The following CACNB2 variants were observed in gnomAD, a reference collection of about 807,000 sequenced individuals.
CACNB2 encodes voltage-dependent L-type calcium channel subunit beta-2.
Under a neutral mutation model 73.3 loss-of-function variants are expected in CACNB2, and 42 were observed. The ratio of observed to expected loss-of-function variants is 0.57; its 90% confidence interval spans 0.45 to 0.74. CACNB2 has a LOEUF of 0.74. Among genes scored for constraint, CACNB2 ranks in the 30% least tolerant of loss-of-function variants. The pLI is 0.00. For synonymous variants in CACNB2, 348 were observed against 310.3 expected, an observed-to-expected ratio of 1.12 and a Z score of -1.28; for missense variants, 940 against 853.0, an observed-to-expected ratio of 1.10 and a Z score of -1.27.
At chr10:18,152,709 C>CAAAAAAA (rs772732675) in intron 2 of CACNB2, among the ~76,000 whole-genome samples, 2,200 of 48,474 alleles carry the variant, frequency 0.045, 30 homozygotes, top group Middle Eastern at 0.089. Context: ...TGAAACAGAC[C>CAAAAAAA]AAAAAAAAAA....
At chr10:18,145,217 G>C (rs192611777) in intron 1 of CACNB2, among the ~76,000 whole-genome samples, 2 of 152,314 alleles carry the variant, frequency 1.3e-5, no homozygotes, top group East Asian at 3.9e-4. Flanking sequence ...CTGTAGCAAG[G>C]AGCTTTATCC....
At chr10:18,529,015 A>G (rs545392162) in intron 10 of CACNB2, among the ~76,000 whole-genome samples, 153 of 152,134 alleles carry the variant, frequency 1.0e-3, no homozygotes, top group African/African-American at 3.6e-3. Flanking sequence ...AATTTTTTGT[A>G]GAGAGGGAGT....
intron 11 of CACNB2, 28 bp from the exon 12 acceptor site, chr10:18,536,071 ACT>A (rs764381786): frequency 1.4e-5 from 19 of 1,323,358 alleles, no homozygotes; most frequent in Non-Finnish European, 2.2e-6. Flanking sequence ...TGTAGTTATT[ACT>A]CTGTTAAAAA....
chr10:18,284,944 C>G (rs2038722249), intron 2 of CACNB2, among the ~76,000 whole-genome samples: 2 of 152,032 alleles, frequency 1.3e-5, no homozygotes, highest in African/African-American at 4.8e-5. Context: ...TTTACTTATC[C>G]AAGACGAACA....
chr10:18,402,087 G>A, intron 3 of CACNB2, 44 bp downstream of exon 3: 1 of 1,606,744 alleles, frequency 6.2e-7, no homozygotes, highest in Non-Finnish European at 8.5e-7. Context: ...AAGTTGTGCT[G>A]TGCCCCTGAT....
chr10:18,404,722 A>G (rs2044189313), intron 3 of CACNB2, among the ~76,000 whole-genome samples: 1 of 152,174 alleles, frequency 6.6e-6, no homozygotes, highest in Non-Finnish European at 1.5e-5. Context: ...ATTGCCTAAT[A>G]ATACCTCTGT....
In CACNB2 at chr10:18,150,879, T is replaced by TTTG. The variant is rs769211879; in HGVS notation, c.121-3_121-2insTGT. 2,259 of 1,256,814 alleles carry TTTG rather than the reference T, an allele frequency of 1.8e-3. 76 individuals are homozygous for TTTG. The highest frequency in any genetic ancestry group is 4.2e-3 in the African/African-American group (250 of 59,442). The allele number at this position is 1,256,814 out of a possible 1,614,324, so 77.9% of individuals were successfully genotyped here. The stretch of plus-strand genomic sequence containing the variant: ...TCTTTTTTTTTTTTTTTTTTTTTTT[T>TTTG]TAGTCATATGGAAAAGGAGCCAGAA... On this transcript the variant is annotated splice_polypyrimidine_tract_variant and splice_region_variant and intron_variant, in intron 1 of 13. Transcript: ENST00000324631.
At chr10:18,141,602 C>G (rs2030413210) in intron 1 of CACNB2, among the ~76,000 whole-genome samples, 1 of 152,256 alleles carries the variant, frequency 6.6e-6, no homozygotes, top group South Asian at 2.1e-4. Context: ...TGGAAAAAGT[C>G]AGCTTCGCTG....
At chr10:18,536,764 C>CTAT (rs2053646428) in intron 12 of CACNB2, among the ~76,000 whole-genome samples, 2 of 152,144 alleles carry the variant, frequency 1.3e-5, no homozygotes, top group Non-Finnish European at 2.9e-5. Flanking sequence ...TTGTTAATAT[C>CTAT]CAACACAAGA....
chr10:18,401,571 G>A (rs530266140), intron 2 of CACNB2, among the ~76,000 whole-genome samples: 62 of 152,270 alleles, frequency 4.1e-4, no homozygotes, highest in African/African-American at 1.5e-3. Context: ...ACCTGCTTTA[G>A]CATGTAGATT....
At position 18,316,420 on chromosome 10, in the gene CACNB2, T is replaced by C. The variant is rs747599822; in HGVS notation, c.214-85504T>C. Among the ~76,000 whole-genome samples, 5 of 151,960 alleles carry C rather than the reference T, an allele frequency of 3.3e-5. No individual in the cohort carries two copies. The East Asian group carries it at 5.8e-4, about 18-fold the overall frequency. On this transcript the variant is annotated intron_variant, in intron 2 of 13. Transcript: ENST00000324631. ...TCTCAAATTATCTCTGAATTAAAAA[T>C]CTGTATTGATAACTAGAAAAGGTCT...
At chr10:18,321,195 A>T (rs374696769) in intron 2 of CACNB2, among the ~76,000 whole-genome samples, 49 of 152,278 alleles carry the variant, frequency 3.2e-4, no homozygotes, top group African/African-American at 1.1e-3. Context: ...GATAAGTGGG[A>T]AGTTGATATT....
At chr10:18,426,888 T>C (rs1314862184) in intron 3 of CACNB2, among the ~76,000 whole-genome samples, 2 of 152,024 alleles carry the variant, frequency 1.3e-5, no homozygotes, top group African/African-American at 4.8e-5. Context: ...CTTCTATTTC[T>C]AGTTTGCTGT....
chr10:18,314,995 G>A (rs2040105395), intron 2 of CACNB2, among the ~76,000 whole-genome samples: 1 of 152,092 alleles, frequency 6.6e-6, no homozygotes, highest in East Asian at 1.9e-4. Context: ...CTCTAACCTA[G>A]TAAGTTAGAT....
At chr10:18,427,683 C>T (rs2045675805) in intron 3 of CACNB2, among the ~76,000 whole-genome samples, 3 of 152,126 alleles carry the variant, frequency 2.0e-5, no homozygotes, top group East Asian at 1.9e-4. Flanking sequence ...GGTTTTCACT[C>T]TCTTCTCATG....
chr10:18,321,187 T>A (rs1676223506), intron 2 of CACNB2, among the ~76,000 whole-genome samples: 1 of 152,158 alleles, frequency 6.6e-6, no homozygotes, highest in Non-Finnish European at 1.5e-5. Flanking sequence ...TTTTCTCAGA[T>A]AAGTGGGAAG....
In CACNB2 at chr10:18,267,991, A is replaced by G. The variant is rs2037886250; in HGVS notation, c.213+117016A>G. Among the ~76,000 whole-genome samples the G allele has an allele frequency of 2.0e-5, 3 of 152,250 alleles. No individual in the cohort carries two copies. The South Asian group carries it at 6.2e-4, about 31-fold the overall frequency. ...CTCTTAAGTTTTCTATGATTATTAA[A>G]TGTGTTAAACTATGAAAACACTTGG... On this transcript the variant is annotated intron_variant, in intron 2 of 13. Coordinates refer to ENST00000324631, the MANE Select transcript of CACNB2 (RefSeq NM_201596.3).
At chr10:18,415,733 A>T (rs2044918754) in intron 3 of CACNB2, among the ~76,000 whole-genome samples, 2 of 152,186 alleles carry the variant, frequency 1.3e-5, no homozygotes, top group African/African-American at 2.4e-5. Context: ...TTTAAATCTC[A>T]ATTCGCAATT....
chr10:18,515,821 A>G (rs1366517137), intron 7 of CACNB2, among the ~76,000 whole-genome samples: 2 of 152,228 alleles, frequency 1.3e-5, no homozygotes, highest in African/African-American at 2.4e-5. Flanking sequence ...CGGAGCAGGA[A>G]TGTGAGCTAA....
Sources: allele counts gnomAD v4.1 joint callset (sites outside exome capture counted in the v4.1 genomes callset), GRCh38; gene constraint gnomAD v4.1.1; transcripts MANE v1.5; gene names NCBI Gene and HGNC (gene_info 2026-07-23, HGNC 2026-07-21).